CAMTA1: variants seen among roughly 807,000 people sequenced by gnomAD.
CAMTA1 encodes the protein calmodulin-binding transcription activator 1.
In CAMTA1, 27 loss-of-function variants were observed where a neutral mutation model predicts 170.9. That is an observed-to-expected ratio of 0.16 (90% CI 0.12 to 0.22). The LOEUF (loss-of-function observed/expected upper bound fraction) is 0.22, where lower values mean the gene tolerates loss of function less well. CAMTA1 is among the 10% of genes least tolerant of loss of function. The probability of loss-of-function intolerance (pLI) is 1.00; values close to 1 mark genes in which losing one functional copy is unlikely to be tolerated. For missense variants in CAMTA1, 1,619 were observed against 2,217.2 expected, an observed-to-expected ratio of 0.73 and a Z score of 5.42; for synonymous variants, 833 against 891.5, an observed-to-expected ratio of 0.93 and a Z score of 1.17.
chr1:6,999,171 C>T (rs1697799138), intron 3 of CAMTA1, among the ~76,000 whole-genome samples: 1 of 152,172 alleles, frequency 6.6e-6, no homozygotes, highest in Non-Finnish European at 1.5e-5. Context: ...AGGATATCTG[C>T]TTATTTTGAA....
intron 5 of CAMTA1, among the ~76,000 whole-genome samples, chr1:7,387,779 G>T (rs1028778824): frequency 6.6e-6 from 1 of 152,226 alleles, no homozygotes; most frequent in East Asian, 1.9e-4. Flanking sequence ...AAAATACTCT[G>T]ATCCTGGCAG....
chr1:7,542,166 AC>A (rs1233658477), intron 6 of CAMTA1, among the ~76,000 whole-genome samples: 1 of 152,204 alleles, frequency 6.6e-6, no homozygotes, highest in Non-Finnish European at 1.5e-5. Context: ...CATTTATAAG[AC>A]ATGGGAAAGT....
chr1:7,147,332 G>C (rs1474716791), intron 4 of CAMTA1, among the ~76,000 whole-genome samples: 5 of 151,810 alleles, frequency 3.3e-5, no homozygotes, highest in Non-Finnish European at 7.4e-5. Context: ...GCTGAGGCAG[G>C]AGAATGGCGT....
At chr1:7,370,990 C>A (rs549475450) in intron 5 of CAMTA1, among the ~76,000 whole-genome samples, 11 of 145,406 alleles carry the variant, frequency 7.6e-5, no homozygotes, top group African/African-American at 2.8e-4. Flanking sequence ...CGGCTCACTG[C>A]AAGCTCCACC....
intron 1 of CAMTA1, among the ~76,000 whole-genome samples, chr1:6,809,989 A>G (rs113006110): frequency 0.023 from 3,451 of 152,266 alleles, 68 homozygotes; most frequent in Non-Finnish European, 0.034. Flanking sequence ...TGGTGAAATG[A>G]TTGATCCAGT....
chr1:7,126,603 C>T lies in CAMTA1; in HGVS notation c.302+35232C>T, dbSNP rs189688010. ...ACAAGGGTTCCTATTGATCATGCAG[C>T]ATCTGGTTGTATTAAAATAATGAAT... On this transcript the variant is annotated intron_variant, in intron 4 of 22. Transcript: ENST00000303635. Among the ~76,000 whole-genome samples, 175 of 152,290 alleles carry T rather than the reference C, an allele frequency of 1.1e-3. 2 individuals are homozygous for T. Among genetic ancestry groups the T allele is most frequent in the Non-Finnish European group, 1.9e-3 (132 of 68,024 alleles).
At chr1:6,998,878 ATATTCATT>A (rs1405936476) in intron 3 of CAMTA1, among the ~76,000 whole-genome samples, 3 of 152,354 alleles carry the variant, frequency 2.0e-5, no homozygotes, top group East Asian at 3.9e-4. Context: ...CATTATTTAA[ATATTCATT>A]TATTCATTTC....
intron 4 of CAMTA1, among the ~76,000 whole-genome samples, chr1:7,103,919 CAT>C (rs1313112394): frequency 2.7e-5 from 4 of 147,302 alleles, no homozygotes; most frequent in Non-Finnish European, 6.0e-5. Flanking sequence ...CGCACTCACA[CAT>C]ACACACAACT....
chr1:7,221,926 C>CACACACACACAT (rs1301562874), intron 4 of CAMTA1, among the ~76,000 whole-genome samples: 1 of 144,922 alleles, frequency 6.9e-6, no homozygotes, highest in African/African-American at 2.6e-5. Context: ...CACACACACA[C>CACACACACACAT]ATACACACAC....
At chr1:7,197,345 A>G (rs1558235029) in intron 4 of CAMTA1, among the ~76,000 whole-genome samples, 2 of 152,154 alleles carry the variant, frequency 1.3e-5, no homozygotes, top group Admixed American at 6.5e-5. Flanking sequence ...GAGACAGCTC[A>G]TTGTCCCGAA....
At position 7,681,936 on chromosome 1, in the gene CAMTA1, A is replaced by G. The variant is rs1419460647; in HGVS notation, c.2914+4203A>G. Among the ~76,000 whole-genome samples the G allele has an allele frequency of 6.6e-6, 1 of 152,148 alleles. No homozygotes were observed. The highest frequency in any genetic ancestry group is 1.5e-5 in the Non-Finnish European group (1 of 68,034). ...TTTGTGTGCCTCTTTCTTGTCTTAC[A>G]GCATCTGATTCTCCCCCAAGGCCAA... On this transcript the variant is annotated intron_variant, in intron 11 of 22. Transcript: ENST00000303635. This position sits in a 1 kb window ranked among gnomAD's most constrained non-coding sequence, Gnocchi z 4.6.
chr1:7,448,937 G>T (rs2092745727), intron 5 of CAMTA1, among the ~76,000 whole-genome samples: 1 of 152,224 alleles, frequency 6.6e-6, no homozygotes, highest in Admixed American at 6.5e-5. Flanking sequence ...GATCCAGGCT[G>T]TTTTGCACAC....
chr1:6,958,290 A>G (rs756817245), intron 3 of CAMTA1, among the ~76,000 whole-genome samples: 5 of 152,210 alleles, frequency 3.3e-5, no homozygotes, highest in African/African-American at 7.2e-5. Context: ...CACAAACTCC[A>G]GACGCTGCAC....
At chr1:7,328,938 A>G (rs550262813) in intron 5 of CAMTA1, among the ~76,000 whole-genome samples, 2 of 152,216 alleles carry the variant, frequency 1.3e-5, no homozygotes, top group African/African-American at 4.8e-5. Context: ...GGCAGATCTG[A>G]TTCTTAACTT....
At chr1:7,650,200 G>A (rs1019806613) in intron 7 of CAMTA1, among the ~76,000 whole-genome samples, 4 of 152,184 alleles carry the variant, frequency 2.6e-5, no homozygotes, top group Admixed American at 6.5e-5. Context: ...CACTCCTAGC[G>A]CACTCACACT....
intron 3 of CAMTA1, among the ~76,000 whole-genome samples, chr1:6,910,154 T>G (rs558638669): frequency 6.6e-6 from 1 of 152,370 alleles, no homozygotes. Flanking sequence ...GCTAAGGCAC[T>G]AGTACCCGTT....
chr1:7,192,684 C>T (rs1046170836), intron 4 of CAMTA1, among the ~76,000 whole-genome samples: 12 of 152,198 alleles, frequency 7.9e-5, no homozygotes, highest in East Asian at 1.9e-4. Context: ...CTGGGCATCA[C>T]GGCCCCCTCA....
intron 4 of CAMTA1, among the ~76,000 whole-genome samples, chr1:7,227,339 T>C (rs982011038): frequency 6.6e-6 from 1 of 152,152 alleles, no homozygotes; most frequent in African/African-American, 2.4e-5. Flanking sequence ...GTTTTTCGTT[T>C]TTGTGAGATG....
intron 5 of CAMTA1, among the ~76,000 whole-genome samples, chr1:7,428,188 G>C (rs919188536): frequency 6.6e-6 from 1 of 152,142 alleles, no homozygotes; most frequent in Admixed American, 6.5e-5. Context: ...GGAGACGTTG[G>C]TACTGTTGGG....
Sources: gnomAD v4.1 joint callset for allele counts (sites outside exome capture counted in the v4.1 genomes callset) on GRCh38, gnomAD v4.1.1 for gene constraint, Gnocchi (gnomAD v3.1) non-coding constraint, MANE v1.5 for transcripts, NCBI Gene and HGNC (gene_info 2026-07-23, HGNC 2026-07-21) for gene names.